Variants in VCL observed in about 807,000 individuals in gnomAD.
VCL encodes the protein epididymis luminal protein 114.
A neutral mutation model predicts 125.7 loss-of-function variants in VCL; 47 were observed. The ratio of observed to expected loss-of-function variants is 0.37; its 90% CI spans 0.30 to 0.48. The LOEUF (loss-of-function observed/expected upper bound fraction) is 0.48, where lower values mean the gene tolerates loss of function less well. Among genes scored for constraint, VCL ranks in the 20% least tolerant of loss-of-function variants. VCL has a pLI of 0.99. For missense variants in VCL, 1,069 were observed against 1,455.5 expected (o/e 0.73, Z 4.32); for synonymous variants, 458 against 514.6 (o/e 0.89, Z 1.49).
In VCL at chr10:74,009,221, C is replaced by G. The variant is rs975055531; in HGVS notation, c.168+10846C>G. The stretch of plus-strand genomic sequence containing the variant: ...TGTCTAGGTGGCTGCTGCTTTCCCC[C>G]CCCCCCCCCGAGCCATTTTAGTATT... On this transcript the variant is annotated intron_variant, in intron 1 of 21. Coordinates refer to ENST00000211998, the MANE Select transcript of VCL (RefSeq NM_014000.3). Among the ~76,000 whole-genome samples, 163 of 112,312 alleles carry G rather than the reference C, an allele frequency of 1.5e-3. 15 individuals are homozygous for G. Among genetic ancestry groups the G allele is most frequent in the Middle Eastern group, 3.9e-3 (1 of 254 alleles). The allele number at this position is 112,312 out of a possible 152,430, so 73.7% of individuals were successfully genotyped here. A position where few individuals can be genotyped will look rare whatever the true frequency, so the allele number is the denominator to read the frequency against.
At chr10:74,047,428 A>G (rs986635380) in intron 2 of VCL, among the ~76,000 whole-genome samples, 1 of 152,206 alleles carries the variant, frequency 6.6e-6, no homozygotes, top group African/African-American at 2.4e-5. Flanking sequence ...GAAGGGGGAA[A>G]CAGATGGAAG....
At chr10:74,106,889 T>C (rs1840144089) in intron 16 of VCL, among the ~76,000 whole-genome samples, 1 of 152,222 alleles carries the variant, frequency 6.6e-6, no homozygotes, top group African/African-American at 2.4e-5. Context: ...TGTTCTGAGT[T>C]GGGCAGGCTT....
intron 1 of VCL, among the ~76,000 whole-genome samples, chr10:74,005,622 A>AT (rs1840308783): frequency 6.6e-6 from 1 of 152,166 alleles, no homozygotes; most frequent in African/African-American, 2.4e-5. Context: ...AGAACAGAAG[A>AT]TTTTTGGAGA....
rs906934010 is a variant in VCL at position 74,074,957 on chromosome 10, G to C, written c.783+54G>C. The stretch of plus-strand genomic sequence containing the variant: ...AAATCCCCAACTCTCCCTGGCTGGG[G>C]GTTTTGATTGGCACCTGTCTCATAC... On this transcript the variant is annotated intron_variant, in intron 6 of 21. Coordinates refer to ENST00000211998, the MANE Select transcript of VCL (RefSeq NM_014000.3). 68 of 1,608,730 alleles carry C rather than the reference G, an allele frequency of 4.2e-5. No individual in the cohort carries two copies. In the African/African-American group the frequency reaches 7.4e-4, roughly 17 times the overall value.
At chr10:74,062,381 T>C (rs1337911338) in intron 2 of VCL, among the ~76,000 whole-genome samples, 1 of 149,680 alleles carries the variant, frequency 6.7e-6, no homozygotes, top group Non-Finnish European at 1.5e-5. Flanking sequence ...TTTTTTTTTT[T>C]TTTTTGTAGA....
chr10:74,020,020 G>A (rs1377709532), intron 1 of VCL, among the ~76,000 whole-genome samples: 1 of 150,340 alleles, frequency 6.7e-6, no homozygotes, highest in African/African-American at 2.5e-5. Flanking sequence ...CCGAGATCGC[G>A]ACATTGCACT....
chr10:74,104,163 G>T (rs1171755620), intron 15 of VCL, among the ~76,000 whole-genome samples: 1 of 152,130 alleles, frequency 6.6e-6, no homozygotes, highest in East Asian at 1.9e-4. Context: ...CTGCCCTCCT[G>T]GCGTGATGTT....
At chr10:74,107,187 G>T (rs1449851752) in intron 16 of VCL, 43 bp from the exon 17 acceptor site, 2 of 1,613,832 alleles carry the variant, frequency 1.2e-6, no homozygotes, top group Non-Finnish European at 1.7e-6. Flanking sequence ...GTGCTTTGGG[G>T]CACTGACCCA....
intron 12 of VCL, 143 bp downstream of exon 12, chr10:74,095,998 T>A: frequency 9.3e-7 from 1 of 1,073,578 alleles, no homozygotes; most frequent in Non-Finnish European, 1.3e-6. Context: ...TATAAGGAAA[T>A]CTAGAGCTTA....
At chr10:74,105,918 T>TAGTGCTGGGATTACAGG (rs1564533248) in intron 16 of VCL, among the ~76,000 whole-genome samples, 1 of 147,572 alleles carries the variant, frequency 6.8e-6, no homozygotes, top group African/African-American at 2.5e-5. Flanking sequence ...TGCGCTTTTT[T>TAGTGCTGGGATTACAGG]TTTTTTTTTT....
At chr10:74,102,234 GTTT>G (rs1384429758) in intron 14 of VCL, among the ~76,000 whole-genome samples, 1 of 135,386 alleles carries the variant, frequency 7.4e-6, no homozygotes, top group African/African-American at 2.7e-5. Flanking sequence ...CTTTGTGAGA[GTTT>G]TTTTTTTTTT....
At chr10:74,099,581 C>G (rs1840019577) in intron 13 of VCL, among the ~76,000 whole-genome samples, 1 of 152,056 alleles carries the variant, frequency 6.6e-6, no homozygotes, top group Non-Finnish European at 1.5e-5. Context: ...ATTTTTGTGT[C>G]CTCAGCACCT....
intron 5 of VCL, among the ~76,000 whole-genome samples, chr10:74,073,717 G>A (rs1225926171): frequency 6.6e-6 from 1 of 152,172 alleles, no homozygotes; most frequent in Non-Finnish European, 1.5e-5. Flanking sequence ...CATGGTAGCT[G>A]CTCTCTCGAC....
intron 21 of VCL, among the ~76,000 whole-genome samples, chr10:74,115,335 G>A (rs1005483665): frequency 2.0e-5 from 3 of 151,876 alleles, no homozygotes; most frequent in Non-Finnish European, 2.9e-5. Flanking sequence ...TTGAAACCAG[G>A]AGTTGAAGAC....
chr10:74,060,141 A>T (rs960281844), intron 2 of VCL, among the ~76,000 whole-genome samples: 2 of 151,560 alleles, frequency 1.3e-5, no homozygotes, highest in Non-Finnish European at 2.9e-5. Flanking sequence ...TACAAAAAAT[A>T]TAAAAAATAA....
intron 6 of VCL, chr10:74,077,255 A>AT (rs1158612604): frequency 2.0e-5 from 3 of 152,632 alleles, no homozygotes; most frequent in Admixed American, 2.0e-4. Context: ...AGAGATGCTT[A>AT]TTTTTTAACC....
At chr10:74,113,003 G>A (rs1483118917) in intron 19 of VCL, among the ~76,000 whole-genome samples, 2 of 152,026 alleles carry the variant, frequency 1.3e-5, no homozygotes, top group East Asian at 1.9e-4. Context: ...CGTTCTCTCC[G>A]GCCTCAATTA....
chr10:74,108,604 T>C, intron 17 of VCL, among the ~76,000 whole-genome samples: 1 of 152,056 alleles, frequency 6.6e-6, no homozygotes, highest in Admixed American at 6.6e-5. Context: ...CTCAGCTTCT[T>C]GAGTAGTTGG....
chr10:74,002,471 A>G (rs1234501947), intron 1 of VCL, among the ~76,000 whole-genome samples: 1 of 152,196 alleles, frequency 6.6e-6, no homozygotes. Context: ...TATGATGGAA[A>G]GTCAGAGGAA....
Sources: gnomAD v4.1 joint callset for allele counts (sites outside exome capture counted in the v4.1 genomes callset) on GRCh38, gnomAD v4.1.1 for gene constraint, MANE v1.5 for transcripts, NCBI Gene and HGNC (gene_info 2026-07-23, HGNC 2026-07-21) for gene names.